The following CORO1C variants were observed in gnomAD, a reference collection of about 807,000 sequenced individuals.
The protein encoded by CORO1C is coronin-1C.
In CORO1C, 14 loss-of-function variants were observed where a neutral mutation model predicts 51.2. The ratio of observed to expected loss-of-function variants is 0.27; its 90% confidence interval spans 0.18 to 0.43. The LOEUF (loss-of-function observed/expected upper bound fraction) is 0.43. Among genes scored for constraint, CORO1C ranks in the 20% least tolerant of loss-of-function variants. The probability of loss-of-function intolerance (pLI) is 1.00; values close to 1 mark genes in which losing one functional copy is unlikely to be tolerated. For synonymous variants in CORO1C, 181 were observed against 210.5 expected, an observed-to-expected ratio of 0.86 and a Z score of 1.21; for missense variants, 417 against 607.8, an observed-to-expected ratio of 0.69 and a Z score of 3.30.
intron 2 of CORO1C, among the ~76,000 whole-genome samples, chr12:108,679,629 C>CT (rs2034053494): frequency 6.6e-6 from 1 of 152,230 alleles, no homozygotes; most frequent in Non-Finnish European, 1.5e-5. Context: ...CATCCCAACA[C>CT]TGGAGCAGGC....
Position 108,657,343 on chromosome 12 carries a change from G to A in CORO1C, c.711C>T (p.Phe237=). 1 of 1,614,116 alleles carries A rather than the reference G, an allele frequency of 6.2e-7. No individual in the cohort carries two copies. Among genetic ancestry groups the A allele is most frequent in the Non-Finnish European group, 8.5e-7 (1 of 1,179,980 alleles). ...LADGNVFTTG[F]SRMSERQLAL... ...CCAGCTGCCGCTCGCTCATGCGGCT[G>A]AACCCAGTGGTGAAGACATTGCCAT... The change falls in exon 6 of 11, where the codon TTC becomes TTT. Residue 237 remains phenylalanine (F), a synonymous_variant. Coordinates refer to ENST00000261401, the MANE Select transcript of CORO1C (RefSeq NM_014325.4).
chr12:108,721,561 T>A (rs1389925504), intron 1 of CORO1C, among the ~76,000 whole-genome samples: 1 of 152,222 alleles, frequency 6.6e-6, no homozygotes, highest in Non-Finnish European at 1.5e-5. Context: ...GCCATAAGAC[T>A]TTGTGAATAC....
At chr12:108,696,211 T>C (rs1225855062) in intron 2 of CORO1C, 1 of 152,128 alleles carries the variant, frequency 6.6e-6, no homozygotes, top group Non-Finnish European at 1.5e-5. Flanking sequence ...TTCACCAAAG[T>C]TGCTTCACAG....
At chr12:108,697,961 G>A (rs949309243) in intron 2 of CORO1C, among the ~76,000 whole-genome samples, 7 of 152,226 alleles carry the variant, frequency 4.6e-5, no homozygotes, top group African/African-American at 1.7e-4. Context: ...CAGCCCCATA[G>A]AGAAATGTAG....
At position 108,647,487 on chromosome 12, in the gene CORO1C, C is replaced by A; in HGVS notation, c.1341G>T (p.Glu447Asp). The change falls in exon 11 of 11, where the codon GAG becomes GAT. Residue 447 changes from glutamate to aspartate, a missense_variant. Transcript: ENST00000261401. Reference sequence around the variant, plus strand: ...AGATTGTGTCTTTTATAGATTTGATCTCTTTTAAAATCTCATCCAACTTGG... The same window carrying A: ...AGATTGTGTCTTTTATAGATTTGATATCTTTTAAAATCTCATCCAACTTGG... ...NEAKLDEILK[E>D]IKSIKDTICN... The A allele has an allele frequency of 6.2e-7, 1 of 1,605,878 alleles. No individual in the cohort carries two copies. The highest frequency in any genetic ancestry group is 1.7e-4 in the Middle Eastern group (1 of 6,042).
At chr12:108,678,239 G>A in intron 3 of CORO1C, 33 bp downstream of exon 3, 2 of 1,593,846 alleles carry the variant, frequency 1.3e-6, no homozygotes, top group East Asian at 2.3e-5. Flanking sequence ...GAGTCTCACT[G>A]GCCTGTGTGC....
chr12:108,650,622 A>C (rs1022063578), intron 8 of CORO1C, among the ~76,000 whole-genome samples: 1 of 152,254 alleles, frequency 6.6e-6, no homozygotes, highest in Non-Finnish European at 1.5e-5. Context: ...TTCTTCATCC[A>C]TAAAATGGGG....
At chr12:108,718,014 T>A (rs2035381631) in intron 1 of CORO1C, among the ~76,000 whole-genome samples, 1 of 150,690 alleles carries the variant, frequency 6.6e-6, no homozygotes, top group African/African-American at 2.4e-5. Context: ...GGTAAGGAGT[T>A]CAAGACCAGT....
intron 7 of CORO1C, among the ~76,000 whole-genome samples, chr12:108,653,829 G>GCAC (rs1490682471): frequency 6.6e-6 from 1 of 152,122 alleles, no homozygotes; most frequent in African/African-American, 2.4e-5. Context: ...CATCCACAAA[G>GCAC]CACCATTCTC....
chr12:108,656,367 C>T lies in CORO1C; in HGVS notation c.750+937G>A, dbSNP rs866504427. The stretch of plus-strand genomic sequence containing the variant: ...TCAGCCCCCACCCGGCCAGCCGCCC[C>T]GTCCGGGAGGGAGGTGGGGGGGCAG... On this transcript the variant is annotated intron_variant, in intron 6 of 10. Coordinates refer to ENST00000261401, the MANE Select transcript of CORO1C (RefSeq NM_014325.4). Among the ~76,000 whole-genome samples, 19 of 149,316 alleles carry T rather than the reference C, an allele frequency of 1.3e-4. No individual in the cohort carries two copies. In the Middle Eastern group the frequency reaches 0.01, roughly 81 times the overall value.
In CORO1C at chr12:108,725,627, G is replaced by A. The variant is rs76144031; in HGVS notation, c.-6+5802C>T. On this transcript the variant is annotated intron_variant, in intron 1 of 10. Transcript: ENST00000261401. ...CCTAAATACAAAACTCTCTTAGAAC[G>A]AGAACTACAGAAGGTACCCATAGCT... Among the ~76,000 whole-genome samples, 1,141 of 152,204 alleles carry A rather than the reference G, an allele frequency of 7.5e-3. 18 individuals are homozygous for A. The highest frequency in any genetic ancestry group is 0.026 in the African/African-American group (1,073 of 41,514).
intron 2 of CORO1C, among the ~76,000 whole-genome samples, chr12:108,692,763 T>C (rs2034539399): frequency 6.6e-6 from 1 of 150,472 alleles, no homozygotes; most frequent in Non-Finnish European, 1.5e-5. Flanking sequence ...AGAGAAAGAA[T>C]GCAAAGGATT....
intron 1 of CORO1C, among the ~76,000 whole-genome samples, chr12:108,718,759 C>T (rs897814193): frequency 6.6e-6 from 1 of 151,702 alleles, no homozygotes; most frequent in Admixed American, 6.6e-5. Context: ...TCTTCTAAAG[C>T]GAAGGAAAAA....
At chr12:108,654,441 G>A (rs1372333934) in intron 6 of CORO1C, 31 bp from the exon 7 acceptor site, 12 of 1,198,308 alleles carry the variant, frequency 1.0e-5, no homozygotes, top group South Asian at 1.3e-5. Context: ...ATACATATAT[G>A]TGTATGTATA....
chr12:108,659,947 C>G (rs1449690648), intron 4 of CORO1C, among the ~76,000 whole-genome samples: 8 of 152,220 alleles, frequency 5.3e-5, no homozygotes, highest in Admixed American at 2.6e-4. Flanking sequence ...CTCAGCTCAC[C>G]AACTCCTTCC....
Position 108,648,614 on chromosome 12 carries a change from C to T in CORO1C, c.1296G>A (p.Thr432=), listed in dbSNP as rs535970064. Residue 432 remains threonine, a synonymous_variant, in exon 10 of 11, where the codon ACG becomes ACA. Transcript: ENST00000261401. The part of the protein sequence containing the change: ...LISIPKKTTD[T]ASVQNEAKLD... ...CTCCACTGGTCCTCACCACACTGGC[C>T]GTGTCTGTGGTTTTCTTGGGGATGC... 17 of 1,614,164 alleles carry T rather than the reference C, an allele frequency of 1.1e-5. No individual in the cohort carries two copies. Among genetic ancestry groups the T allele is most frequent in the South Asian group, 5.5e-5 (5 of 91,086 alleles).
intron 3 of CORO1C, among the ~76,000 whole-genome samples, chr12:108,667,278 G>C (rs867581665): frequency 6.6e-6 from 1 of 152,132 alleles, no homozygotes; most frequent in African/African-American, 2.4e-5. Context: ...GAAAGCTCTG[G>C]TTTATACCTA....
intron 2 of CORO1C, among the ~76,000 whole-genome samples, chr12:108,694,753 G>A (rs1260744131): frequency 1.3e-5 from 2 of 151,750 alleles, no homozygotes; most frequent in African/African-American, 4.8e-5. Flanking sequence ...TAGGACTTAA[G>A]AATGTTTATA....
intron 3 of CORO1C, among the ~76,000 whole-genome samples, chr12:108,674,552 TAAA>T (rs60922936): frequency 9.1e-5 from 12 of 132,582 alleles, no homozygotes; most frequent in African/African-American, 1.1e-4. Flanking sequence ...CGTCTCAATT[TAAA>T]AAAAAAAAAA....
Sources: allele counts gnomAD v4.1 joint callset (sites outside exome capture counted in the v4.1 genomes callset), GRCh38; gene constraint gnomAD v4.1.1; transcripts MANE v1.5; gene names NCBI Gene and HGNC (gene_info 2026-07-23, HGNC 2026-07-21).